EXOC3L1: variants seen among roughly 807,000 people sequenced by gnomAD.
The protein encoded by EXOC3L1 is exocyst complex component 3-like protein.
Under a neutral mutation model 83.6 loss-of-function variants are expected in EXOC3L1, and 79 were observed. That is an observed-to-expected ratio of 0.95 (90% CI 0.79 to 1.14). The LOEUF is 1.14. Among genes scored for constraint, EXOC3L1 ranks in the 50% most tolerant of loss-of-function variants. EXOC3L1 has a pLI of 0.00. For synonymous variants in EXOC3L1, 433 were observed against 451.2 expected, an observed-to-expected ratio of 0.96 and a Z score of 0.51; for missense variants, 945 against 972.0, an observed-to-expected ratio of 0.97 and a Z score of 0.37.
chr16:67,187,555 A>T lies in EXOC3L1; in HGVS notation c.710T>A (p.Leu237Gln), dbSNP rs758409207. The change falls in exon 5 of 14, where the codon CTG becomes CAG. Residue 237 changes from leucine to glutamine, a missense_variant. Transcript: ENST00000314586. Reference sequence around the variant, plus strand: ...ACGCCAGTCCCGGGGGACCTGGCCCAGGGGGGTTGTTCGTCCAGTCTCCAC... The same window carrying T: ...ACGCCAGTCCCGGGGGACCTGGCCCTGGGGGGTTGTTCGTCCAGTCTCCAC... ...AEVETGRTTP[L>Q]GQVPRDWRQR... The T allele has an allele frequency of 5.0e-6, 8 of 1,603,400 alleles. No individual in the cohort carries two copies.
chr16:67,185,228 AT>A lies in EXOC3L1; in HGVS notation c.1656del (p.Gln552HisfsTer47). On this transcript the variant is annotated frameshift_variant, in exon 11 of 14. Transcript: ENST00000314586. LOFTEE classifies it high-confidence loss of function. ...TGCAGGAGCTCAGGGCTCGACAGCC[AT>A]TGGCGCGAGGGCAGATCCGCGAACA... ...QPLFADLPSRQWLSSPELLQS... is the reference protein window; with the variant it reads ...QPLFADLPSRXWLSSPELLQS... 6.2e-7 allele frequency: 1 copy of A among 1,613,310 alleles called. No homozygotes were observed.
chr16:67,189,783 A>G, intron 1 of EXOC3L1, 100 bp from the exon 2 acceptor site: 1 of 1,241,266 alleles, frequency 8.1e-7, no homozygotes, highest in Non-Finnish European at 1.1e-6. Flanking sequence ...AGGAGGAAGG[A>G]GGTTCTTCCC....
At chr16:67,188,622 C>T in intron 4 of EXOC3L1, 99 bp downstream of exon 4, 1 of 1,179,526 alleles carries the variant, frequency 8.5e-7, no homozygotes, top group Non-Finnish European at 1.2e-6. Flanking sequence ...GTGTGCTGCT[C>T]TATGCAGTTC....
rs139069832 is a variant in EXOC3L1 at position 67,189,139 on chromosome 16, G to A, written c.88C>T (p.Arg30Trp). 1.6e-4 allele frequency: 265 copies of A among 1,606,876 alleles called. No homozygotes were observed. Among genetic ancestry groups the A allele is most frequent in the Non-Finnish European group, 2.0e-4 (235 of 1,179,292 alleles). ...GAGGCCCACTTGAGCGCTGCACCCC[G>A]GGCCAGCTGCTCTGCCCGCTCCTGC... ...PEQERAEQLA[R>W]GAALKWASGI... The change falls in exon 3 of 14, where the codon CGG becomes TGG. Residue 30 changes from arginine to tryptophan, a missense_variant. By Grantham distance (101) the Arg-to-Trp change is moderately radical. Transcript: ENST00000314586.
chr16:67,187,732 G>GCC lies in EXOC3L1; in HGVS notation c.531_532dup (p.Ala178GlyfsTer73). On this transcript the variant is annotated frameshift_variant, in exon 5 of 14. Transcript: ENST00000314586. LOFTEE classifies it high-confidence loss of function. ...TGGCAACTCCAGGCCCCCCAGGGGTGCCCACGTATCCTCTCGCAGCTGCTC... is the reference window on the plus strand; with the variant it reads ...TGGCAACTCCAGGCCCCCCAGGGGTGCCCCCACGTATCCTCTCGCAGCTGCTC... The GCC allele has an allele frequency of 1.2e-6, 2 of 1,613,034 alleles. No homozygotes were observed. Among genetic ancestry groups the GCC allele is most frequent in the South Asian group, 2.2e-5 (2 of 91,078 alleles).
In EXOC3L1 at chr16:67,189,639, A is replaced by T; in HGVS notation, c.38T>A (p.Leu13Ter). 1 of 1,614,152 alleles carries T rather than the reference A, an allele frequency of 6.2e-7. No individual in the cohort carries two copies. The highest frequency in any genetic ancestry group is 2.2e-5 in the East Asian group (1 of 44,888). Residue 13 changes from leucine (L) to a stop codon, truncating the protein, a stop_gained, in exon 2 of 14, where the codon TTG becomes TAG. Coordinates refer to ENST00000314586, the MANE Select transcript of EXOC3L1 (RefSeq NM_178516.4). LOFTEE classifies it high-confidence loss of function. Reference sequence around the variant, plus strand: ...ACCCAAAAGGTTCATACCAGGGGACAACGCCGGCTGCATCTCATCCTTGGC... The same window carrying T: ...ACCCAAAAGGTTCATACCAGGGGACTACGCCGGCTGCATCTCATCCTTGGC... ...SAAKDEMQPA[L>*]SPGPEWPEQE...
Position 67,187,803 on chromosome 16 carries a change from A to G in EXOC3L1, c.462T>C (p.Ile154=), listed in dbSNP as rs1184551428. The change falls in exon 5 of 14, where the codon ATT becomes ATC. Residue 154 remains isoleucine, a synonymous_variant. Transcript: ENST00000314586. The part of the protein sequence containing the change: ...PAAVSHTQTL[I]DGQQFLEAYV... ...ATGCCTCCAAGAACTGTTGGCCATC[A>G]ATCAGAGTCTGTGTGTGGGACACTG... 18 of 1,609,100 alleles carry G rather than the reference A, an allele frequency of 1.1e-5. No homozygotes were observed. The highest frequency in any genetic ancestry group is 1.5e-5 in the Non-Finnish European group (18 of 1,177,668).
chr16:67,185,735 C>A, intron 9 of EXOC3L1: 1 of 573,422 alleles, frequency 1.7e-6, no homozygotes, highest in South Asian at 2.2e-5. Context: ...GGAAAACATT[C>A]TTTCGGTTTC....
In EXOC3L1 at chr16:67,187,375, C is replaced by T. The variant is rs1280863828; in HGVS notation, c.890G>A (p.Cys297Tyr). 36 of 1,612,704 alleles carry T rather than the reference C, an allele frequency of 2.2e-5. No individual in the cohort carries two copies. The highest frequency in any genetic ancestry group is 3.0e-5 in the Non-Finnish European group (35 of 1,179,964). Residue 297 changes from cysteine to tyrosine, a missense_variant, in exon 5 of 14, where the codon TGC becomes TAC. By Grantham distance (194) the Cys-to-Tyr change is radical. Transcript: ENST00000314586. ...GACCACGTTGTACTGTGGCGGGCAGCAAGGCGCTACTAGTGCCTCAGCTGT... is the reference window on the plus strand; with the variant it reads ...GACCACGTTGTACTGTGGCGGGCAGTAAGGCGCTACTAGTGCCTCAGCTGT... The part of the protein sequence containing the change: ...LATAEALVAP[C>Y]CPPQYNVVQL...
Position 67,187,842 on chromosome 16 carries a change from T to C in EXOC3L1, c.428-5A>G, listed in dbSNP as rs2032772480. The C allele has an allele frequency of 6.4e-7, 1 of 1,574,190 alleles. No individual in the cohort carries two copies. Among genetic ancestry groups the C allele is most frequent in the Non-Finnish European group, 8.6e-7 (1 of 1,157,156 alleles). ...TGTGGGACACTGCAGCCGGCACTAA[T>C]GAGAGTGAAAAGGAGACGGCCCTGG... On this transcript the variant is annotated splice_region_variant and splice_polypyrimidine_tract_variant and intron_variant, in intron 4 of 13. Transcript: ENST00000314586.
Position 67,185,135 on chromosome 16 carries a change from C to T in EXOC3L1, c.1749+1G>A. 1 of 1,613,294 alleles carries T rather than the reference C, an allele frequency of 6.2e-7. No individual in the cohort carries two copies. Among genetic ancestry groups the T allele is most frequent in the Non-Finnish European group, 8.5e-7 (1 of 1,180,032 alleles). On this transcript the variant is annotated splice_donor_variant, in intron 11 of 13. Transcript: ENST00000314586. LOFTEE classifies it high-confidence loss of function. ...TTCCCCAATCTTTTCCCCCAACCCA[C>T]CTGAACCGTGGGGTTCCGCACGCGC...
rs2032717973 is a variant in EXOC3L1, at chr16:67,186,247, A to C, written c.1486T>G (p.Ser496Ala). 1 of 1,571,422 alleles carries C rather than the reference A, an allele frequency of 6.4e-7. No homozygotes were observed. The highest frequency in any genetic ancestry group is 1.2e-5 in the South Asian group (1 of 85,742). ...PYLLAALNHK[S>A]ALSSSVSVLQ... ...GGGGCCTTCTGGTACCTGAGTGCTG[A>C]CTTGTGGTTGAGGGCGGCCAGTAGG... The change falls in exon 9 of 14, where the codon TCA becomes GCA. Residue 496 changes from serine to alanine, a missense_variant. Transcript: ENST00000314586.
chr16:67,185,565 C>T, intron 9 of EXOC3L1, 75 bp from the exon 10 acceptor site: 1 of 1,406,554 alleles, frequency 7.1e-7, no homozygotes, highest in Non-Finnish European at 9.9e-7. Flanking sequence ...GACCCTCCGG[C>T]GCCACCTTGT....
rs1361211202 is a variant in EXOC3L1 at position 67,189,082 on chromosome 16, T to C, written c.145A>G (p.Arg49Gly). The change falls in exon 3 of 14, where the codon AGG (arginine) becomes GGG (glycine). Residue 49 changes from arginine to glycine, a missense_variant. Physicochemically the swap from Arg to Gly is moderately radical, Grantham distance 125 (BLOSUM62 -2). Coordinates refer to ENST00000314586, the MANE Select transcript of EXOC3L1 (RefSeq NM_178516.4). Reference protein sequence around the residue: ...GIFYRPEQLARLGQYRSREVQ... With the variant: ...GIFYRPEQLAGLGQYRSREVQ... ...TCGCGGCTGCGGTACTGGCCTAGCC[T>C]GGCCAGCTGCTCCGGCCGGTAGAAG... 2 of 1,608,214 alleles carry C rather than the reference T, an allele frequency of 1.2e-6. No individual in the cohort carries two copies. The highest frequency in any genetic ancestry group is 1.7e-6 in the Non-Finnish European group (2 of 1,178,792).
chr16:67,186,804 GTC>G lies in EXOC3L1; in HGVS notation c.1237_1238del (p.Asp413ProfsTer29). ...EWGREHGPNT[D>X]PSGSYYSPMP... is the part of the protein sequence containing the mutation. ...TTGGTGAGTAATAGGAGCCAGACGG[GTC>G]TGTGTTGGGCCCATGCTCCCGGCCC... On this transcript the variant is annotated frameshift_variant, in exon 7 of 14. Coordinates refer to ENST00000314586, the MANE Select transcript of EXOC3L1 (RefSeq NM_178516.4). LOFTEE classifies it high-confidence loss of function. 1 of 1,613,696 alleles carries G rather than the reference GTC, an allele frequency of 6.2e-7. No individual in the cohort carries two copies. Among genetic ancestry groups the G allele is most frequent in the East Asian group, 2.2e-5 (1 of 44,882 alleles).
At chr16:67,189,906 C>T (rs2032836747) in intron 1 of EXOC3L1, 65 bp downstream of exon 1, 1 of 586,196 alleles carries the variant, frequency 1.7e-6, no homozygotes, top group Non-Finnish European at 3.1e-6. Context: ...ACAGAGTGGG[C>T]ACAGGCCTCC....
chr16:67,187,178 C>T (rs1013870715), intron 5 of EXOC3L1, 40 bp from the exon 6 acceptor site: 1 of 1,590,558 alleles, frequency 6.3e-7, no homozygotes, highest in Non-Finnish European at 8.6e-7. Context: ...AGCCACCAAG[C>T]CCCCAGCCTC....
rs2032718442 is a variant in EXOC3L1, at chr16:67,186,274, A to G, written c.1459T>C (p.Tyr487His). 1 of 1,578,808 alleles carries G rather than the reference A, an allele frequency of 6.3e-7. No individual in the cohort carries two copies. The highest frequency in any genetic ancestry group is 2.3e-5 in the East Asian group (1 of 42,944). Residue 487 changes from tyrosine (Y) to histidine (H), a missense_variant, in exon 9 of 14, where the codon TAC becomes CAC. By Grantham distance (83) the Tyr-to-His change is moderately conservative. Coordinates refer to ENST00000314586, the MANE Select transcript of EXOC3L1 (RefSeq NM_178516.4). ...TTGTGGTTGAGGGCGGCCAGTAGGT[A>G]GGGCACGTAATGAGGGGCCATTGAT... ...GKSMAPHYVPYLLAALNHKSA... is the reference protein window; with the variant it reads ...GKSMAPHYVPHLLAALNHKSA...
At chr16:67,185,590 A>G in intron 9 of EXOC3L1, 100 bp from the exon 10 acceptor site, 1 of 1,132,498 alleles carries the variant, frequency 8.8e-7, no homozygotes, top group Non-Finnish European at 1.3e-6. Context: ...CAAGTGTTTG[A>G]CGGGAGGGAG....
Sources: gnomAD v4.1 joint callset for allele counts on GRCh38, gnomAD v4.1.1 for gene constraint, MANE v1.5 for transcripts, NCBI Gene and HGNC (gene_info 2026-07-23, HGNC 2026-07-21) for gene names.